CADPS2: variants seen among roughly 807,000 people sequenced by gnomAD.
CADPS2 encodes calcium-dependent secretion activator 2.
In CADPS2, 93 loss-of-function variants were observed where a neutral mutation model predicts 172.5. The ratio of observed to expected loss-of-function variants is 0.54; its 90% CI spans 0.46 to 0.64. The LOEUF is 0.64. Among genes scored for constraint, CADPS2 ranks in the 30% least tolerant of loss-of-function variants. The pLI is 0.00. For synonymous variants in CADPS2, 546 were observed against 555.2 expected, an observed-to-expected ratio of 0.98 and a Z score of 0.23; for missense variants, 1,420 against 1,565.9, an observed-to-expected ratio of 0.91 and a Z score of 1.57.
chr7:122,371,603 G>A (rs1451371655), intron 25 of CADPS2, among the ~76,000 whole-genome samples: 5 of 152,114 alleles, frequency 3.3e-5, no homozygotes, highest in African/African-American at 1.2e-4. Context: ...TGGGAACACA[G>A]CCAAACCATA....
chr7:122,658,882 A>T (rs965335454), intron 3 of CADPS2, among the ~76,000 whole-genome samples: 7 of 152,160 alleles, frequency 4.6e-5, no homozygotes, highest in Non-Finnish European at 7.3e-5. Flanking sequence ...TTAAAGTATA[A>T]TAAAAAAATT....
At chr7:122,364,299 C>T (rs61418661) in intron 25 of CADPS2, among the ~76,000 whole-genome samples, 3 of 150,922 alleles carry the variant, frequency 2.0e-5, no homozygotes, top group Non-Finnish European at 4.4e-5. Flanking sequence ...CCTGTAGCTT[C>T]TCAGGAAGCT....
At chr7:122,800,991 CAAA>C (rs34506571) in intron 1 of CADPS2, among the ~76,000 whole-genome samples, 7 of 63,032 alleles carry the variant, frequency 1.1e-4, no homozygotes, top group Admixed American at 1.7e-4. Flanking sequence ...GACTCTGCCT[CAAA>C]AAAAAAAAAA....
rs539883733 is a variant in CADPS2, at chr7:122,404,815, A to G, written c.2746+2725T>C. On this transcript the variant is annotated intron_variant, in intron 20 of 29. Transcript: ENST00000449022. ...TTCTTGAGTTTTCATTCAAATAGAGAAAACAGTGTTAAAAAATATCTTACA... is the reference window on the plus strand; with the variant it reads ...TTCTTGAGTTTTCATTCAAATAGAGGAAACAGTGTTAAAAAATATCTTACA... Among the ~76,000 whole-genome samples the G allele has an allele frequency of 8.5e-5, 13 of 152,284 alleles. No individual in the cohort carries two copies. The South Asian group carries it at 2.7e-3, about 32-fold the overall frequency.
chr7:122,370,222 T>G (rs1472421780), intron 25 of CADPS2, among the ~76,000 whole-genome samples: 1 of 152,154 alleles, frequency 6.6e-6, no homozygotes, highest in Non-Finnish European at 1.5e-5. Context: ...TTGCATTTTA[T>G]GTTTGTTAGT....
chr7:122,603,247 T>C (rs1265951291), intron 6 of CADPS2, among the ~76,000 whole-genome samples: 1 of 151,112 alleles, frequency 6.6e-6, no homozygotes, highest in Non-Finnish European at 1.5e-5. Context: ...ATAAATATTA[T>C]ATGACAATAC....
intron 1 of CADPS2, among the ~76,000 whole-genome samples, chr7:122,865,795 G>T (rs568948471): frequency 9.8e-5 from 15 of 152,302 alleles, no homozygotes; most frequent in African/African-American, 3.6e-4. Flanking sequence ...AAATTCTGTT[G>T]CTTATAAGAA....
At chr7:122,695,141 G>T (rs1323978376) in intron 2 of CADPS2, among the ~76,000 whole-genome samples, 2 of 152,304 alleles carry the variant, frequency 1.3e-5, no homozygotes, top group Non-Finnish European at 2.9e-5. Context: ...TCAATGTAGT[G>T]TGTCCTATAA....
At chr7:122,424,127 C>T (rs2048864301) in intron 17 of CADPS2, 1 of 155,824 alleles carries the variant, frequency 6.4e-6, no homozygotes, top group Non-Finnish European at 1.4e-5. Context: ...AAAATCCACA[C>T]AAATACTAAT....
chr7:122,448,783 T>C (rs528612912), intron 15 of CADPS2, among the ~76,000 whole-genome samples: 2 of 152,250 alleles, frequency 1.3e-5, no homozygotes, highest in Admixed American at 1.3e-4. Flanking sequence ...AAAAATACTT[T>C]GCTAGGATCT....
rs71324637 is a variant in CADPS2, at chr7:122,822,452, G to A, written c.339+63547C>T. Among the ~76,000 whole-genome samples, 10 of 151,590 alleles carry A rather than the reference G, an allele frequency of 6.6e-5. No individual in the cohort carries two copies. The East Asian group carries it at 9.7e-4, about 15-fold the overall frequency. On this transcript the variant is annotated intron_variant, in intron 1 of 29. Transcript: ENST00000449022. The stretch of plus-strand genomic sequence containing the variant: ...GCTTGAAGCAACCCTGAGAAACATC[G>A]CCCATTCTCTCTCCATACCACCCCC...
At chr7:122,870,778 A>G (rs542937343) in intron 1 of CADPS2, among the ~76,000 whole-genome samples, 1 of 152,162 alleles carries the variant, frequency 6.6e-6, no homozygotes, top group South Asian at 2.1e-4. Flanking sequence ...TAAAAGCGCT[A>G]TCTTGTCCAT....
chr7:122,723,616 G>A (rs965984405), intron 2 of CADPS2, among the ~76,000 whole-genome samples: 1 of 152,184 alleles, frequency 6.6e-6, no homozygotes, highest in African/African-American at 2.4e-5. Context: ...GGAAGACAGT[G>A]TGGCGATTCC....
At chr7:122,707,337 T>A (rs1313214287) in intron 2 of CADPS2, among the ~76,000 whole-genome samples, 5 of 151,918 alleles carry the variant, frequency 3.3e-5, no homozygotes, top group African/African-American at 1.2e-4. Flanking sequence ...GCCAATTAAA[T>A]TTTTTAGAAG....
intron 8 of CADPS2, among the ~76,000 whole-genome samples, chr7:122,521,195 A>G (rs1472754934): frequency 6.6e-6 from 1 of 152,146 alleles, no homozygotes; most frequent in East Asian, 1.9e-4. Context: ...CCATTCGGAT[A>G]GAGTTCGGTT....
At chr7:122,732,114 C>T (rs560842133) in intron 2 of CADPS2, among the ~76,000 whole-genome samples, 1 of 151,554 alleles carries the variant, frequency 6.6e-6, no homozygotes, top group African/African-American at 2.4e-5. Flanking sequence ...AAGACACCCC[C>T]CACCCAAGAA....
intron 24 of CADPS2, among the ~76,000 whole-genome samples, chr7:122,379,871 T>C (rs559393553): frequency 6.6e-6 from 1 of 152,296 alleles, no homozygotes; most frequent in African/African-American, 2.4e-5. Context: ...TTATTTTAAA[T>C]GTGCTCTAGA....
At chr7:122,570,291 G>A (rs1378968697) in intron 7 of CADPS2, among the ~76,000 whole-genome samples, 34 of 152,212 alleles carry the variant, frequency 2.2e-4, no homozygotes, top group South Asian at 6.2e-4. Flanking sequence ...AATGCTCATC[G>A]TCACTGACCA....
At chr7:122,647,909 T>C (rs1191053330) in intron 3 of CADPS2, among the ~76,000 whole-genome samples, 1 of 152,200 alleles carries the variant, frequency 6.6e-6, no homozygotes, top group Admixed American at 6.5e-5. Flanking sequence ...ATATATAATG[T>C]TCTTTGTTAC....
Sources: allele counts gnomAD v4.1 joint callset (sites outside exome capture counted in the v4.1 genomes callset), GRCh38; gene constraint gnomAD v4.1.1; transcripts MANE v1.5; gene names NCBI Gene and HGNC (gene_info 2026-07-23, HGNC 2026-07-21).